Variants in UGT2B11 observed in about 807,000 individuals in gnomAD.
UGT2B11 encodes the protein UDP-glucuronosyltransferase 2B11.
A neutral mutation model predicts 51.7 loss-of-function variants in UGT2B11; 49 were observed. The observed-to-expected ratio is 0.95, with a 90% confidence interval of 0.75 to 1.20. UGT2B11 has a LOEUF of 1.20. Among genes scored for constraint, UGT2B11 ranks in the 50% most tolerant of loss-of-function variants. The pLI, the probability that UGT2B11 is intolerant of heterozygous loss-of-function variation, is 0.00. For synonymous variants in UGT2B11, 273 were observed against 209.0 expected (o/e 1.31, Z -2.64); for missense variants, 810 against 622.1 (o/e 1.30, Z -3.21).
chr4:69,217,125 T>A (rs1015266717), upstream of UGT2B11, among the ~76,000 whole-genome samples: 3 of 152,170 alleles, frequency 2.0e-5, no homozygotes, highest in African/African-American at 7.2e-5. Context: ...AATATTTTAT[T>A]TTTCTGAATA....
chr4:69,224,089 T>C, the UGT2B11 span, among the ~76,000 whole-genome samples: 2 of 152,108 alleles, frequency 1.3e-5, no homozygotes, highest in African/African-American at 2.4e-5. Flanking sequence ...ACATGCCTGA[T>C]CCTCGGAGGG....
chr4:69,221,145 T>A, the UGT2B11 span, among the ~76,000 whole-genome samples: 1 of 152,172 alleles, frequency 6.6e-6, no homozygotes, highest in African/African-American at 2.4e-5. Flanking sequence ...AAAGCACAGT[T>A]CTTTCGGAGT....
the UGT2B11 span, among the ~76,000 whole-genome samples, chr4:69,221,443 C>T: frequency 6.6e-6 from 1 of 152,154 alleles, no homozygotes; most frequent in East Asian, 1.9e-4. Flanking sequence ...GCATTCTTTG[C>T]CCTTCCAAAT....
chr4:69,217,488 G>C (rs1357411994), upstream of UGT2B11, among the ~76,000 whole-genome samples: 1 of 151,950 alleles, frequency 6.6e-6, no homozygotes, highest in Non-Finnish European at 1.5e-5. Context: ...TTCCCTTTGG[G>C]AATATACAAA....
intron 5 of UGT2B11, among the ~76,000 whole-genome samples, chr4:69,203,583 G>A (rs1051474815): frequency 6.6e-6 from 1 of 151,462 alleles, no homozygotes; most frequent in Non-Finnish European, 1.5e-5. Context: ...ACAATCAAAA[G>A]GCCAATGAAC....
chr4:69,207,179 A>T (rs972319341), intron 3 of UGT2B11, among the ~76,000 whole-genome samples: 7 of 151,612 alleles, frequency 4.6e-5, no homozygotes, highest in Admixed American at 6.6e-5. Flanking sequence ...GATTATTAAC[A>T]CTTAGATAAC....
rs189994178 is a variant in UGT2B11 at position 69,206,631 on chromosome 4, A to G, written c.1003-1064T>C. ...ATGTACTCCTGAACTTAAAAGTTAA[A>G]AATAAAAGTTAAATTAATTTAATTT... On this transcript the variant is annotated intron_variant, in intron 3 of 5. Transcript: ENST00000446444. Among the ~76,000 whole-genome samples, 286 of 151,842 alleles carry G rather than the reference A, an allele frequency of 1.9e-3. 3 individuals carry two copies. The highest frequency in any genetic ancestry group is 6.7e-3 in the African/African-American group (279 of 41,508).
At chr4:69,215,774 C>T (rs1319029589), upstream of UGT2B11, 7 of 151,860 alleles carry the variant, frequency 4.6e-5, no homozygotes, top group Admixed American at 3.9e-4. Flanking sequence ...ACAACCTTGC[C>T]CACCCTTGTC....
intron 4 of UGT2B11, among the ~76,000 whole-genome samples, chr4:69,205,213 G>C (rs1721803875): frequency 6.6e-6 from 1 of 151,694 alleles, no homozygotes; most frequent in African/African-American, 2.4e-5. Flanking sequence ...ACAGGAGACA[G>C]AGAGACAGCC....
chr4:69,214,279 A>C lies in UGT2B11; in HGVS notation c.444T>G (p.Val148=), dbSNP rs775154105. ...CACAGGGAAAAACAGCATCTGCAAA[A>C]ACGATGTCAAATCTTGACTCTTGTA... ...KKLQESRFDI[V]FADAVFPCGE... Residue 148 remains valine (V), a synonymous_variant, in exon 1 of 6, where the codon GTT becomes GTG. Transcript: ENST00000446444. 1.3e-5 allele frequency: 21 copies of C among 1,613,220 alleles called. No homozygotes were observed. The highest frequency in any genetic ancestry group is 1.7e-5 in the Non-Finnish European group (20 of 1,179,522).
chr4:69,212,749 GGAT>G (rs1560540572), intron 1 of UGT2B11, 28 bp from the exon 2 acceptor site: 1 of 1,589,076 alleles, frequency 6.3e-7, no homozygotes, highest in African/African-American at 1.4e-5. Context: ...AAGAAAAAGT[GGAT>G]GATGTAAGAT....
At chr4:69,210,855 G>A (rs1341814495) in intron 2 of UGT2B11, among the ~76,000 whole-genome samples, 1 of 151,608 alleles carries the variant, frequency 6.6e-6, no homozygotes, top group African/African-American at 2.4e-5. Context: ...ATAATGCATT[G>A]AAGAATGCTT....
At chr4:69,223,060 T>C in the UGT2B11 span, among the ~76,000 whole-genome samples, 1 of 152,106 alleles carries the variant, frequency 6.6e-6, no homozygotes, top group Non-Finnish European at 1.5e-5. Context: ...AGCTTGTACA[T>C]AAGGGACATC....
intron 3 of UGT2B11, among the ~76,000 whole-genome samples, chr4:69,206,572 A>G (rs1721865296): frequency 6.6e-6 from 1 of 151,360 alleles, no homozygotes; most frequent in Admixed American, 6.6e-5. Flanking sequence ...ACAAACCCCC[A>G]TGACACAAGT....
upstream of UGT2B11, chr4:69,215,303 T>C (rs899311789): frequency 3.3e-5 from 5 of 152,196 alleles, no homozygotes; most frequent in African/African-American, 9.7e-5. Context: ...CACCCTGCAC[T>C]AGGCAACCAG....
At chr4:69,218,770 T>C (rs1722337042), upstream of UGT2B11, among the ~76,000 whole-genome samples, 1 of 151,962 alleles carries the variant, frequency 6.6e-6, no homozygotes, top group Non-Finnish European at 1.5e-5. Flanking sequence ...AGGGAAAGAG[T>C]TGAATGCAAC....
intron 5 of UGT2B11, 36 bp downstream of exon 5, chr4:69,204,394 C>T (rs1560536564): frequency 6.2e-6 from 10 of 1,608,490 alleles, no homozygotes; most frequent in African/African-American, 4.0e-5. Flanking sequence ...AAGCTGTCCA[C>T]AAATACCACC....
intron 2 of UGT2B11, chr4:69,211,179 G>T (rs1413761395): frequency 6.6e-6 from 1 of 151,456 alleles, no homozygotes; most frequent in African/African-American, 2.4e-5. Flanking sequence ...TAAAATTCTG[G>T]GATCTCAATG....
the UGT2B11 span, among the ~76,000 whole-genome samples, chr4:69,224,309 G>A: frequency 6.6e-6 from 1 of 152,078 alleles, no homozygotes; most frequent in African/African-American, 2.4e-5. Flanking sequence ...GAGGGGCCAT[G>A]GTCTCAACCA....
Sources: allele counts gnomAD v4.1 joint callset (sites outside exome capture counted in the v4.1 genomes callset), GRCh38; gene constraint gnomAD v4.1.1; transcripts MANE v1.5; gene names NCBI Gene and HGNC (gene_info 2026-07-23, HGNC 2026-07-21).